Variants in DNA2 observed in about 807,000 individuals in gnomAD.
DNA2 encodes the protein DNA replication ATP-dependent helicase/nuclease DNA2.
A neutral mutation model predicts 119.1 loss-of-function variants in DNA2; 101 were observed. That is an observed-to-expected ratio of 0.85 (90% CI 0.72 to 1.00). The LOEUF is 1.00. Among genes scored for constraint, DNA2 ranks in the 50% least tolerant of loss-of-function variants. DNA2 has a pLI of 0.00. For synonymous variants in DNA2, 366 were observed against 424.4 expected (o/e 0.86, Z 1.69); for missense variants, 1,121 against 1,255.5 (o/e 0.89, Z 1.62).
rs576282543 is a variant in DNA2 at position 68,453,659 on chromosome 10, C to T, written c.720-3412G>A. On this transcript the variant is annotated intron_variant, in intron 5 of 20. Transcript: ENST00000358410. ...ACAACACACTACCTTTTCTATATTT[C>T]AATATGTTTAGATAGACAAATACTT... Among the ~76,000 whole-genome samples, 228 of 152,206 alleles carry T rather than the reference C, an allele frequency of 1.5e-3. 2 individuals carry two copies. Among genetic ancestry groups the T allele is most frequent in the Middle Eastern group, 0.014 (4 of 294 alleles).
At position 68,448,954 on chromosome 10, in the gene DNA2, TGTGTGTGTGTGTGC is replaced by T. The variant is rs879651400; in HGVS notation, c.939+1060_939+1073del. On this transcript the variant is annotated intron_variant, in intron 6 of 20. Transcript: ENST00000358410. The stretch of plus-strand genomic sequence containing the variant: ...CCAGGTGTGTGTGTGTGTGTGTGTG[TGTGTGTGTGTGTGC>T]GTGTGTGTGTGTGTGTGTAGTAGTT... Among the ~76,000 whole-genome samples, 318 of 128,608 alleles carry T rather than the reference TGTGTGTGTGTGTGC, an allele frequency of 2.5e-3. 3 individuals carry two copies. The highest frequency in any genetic ancestry group is 3.6e-3 in the South Asian group (11 of 3,046). The allele number at this position is 128,608 out of a possible 152,430, so 84.4% of individuals were successfully genotyped here.
intron 14 of DNA2, among the ~76,000 whole-genome samples, chr10:68,428,084 T>C (rs574317097): frequency 6.7e-6 from 1 of 148,662 alleles, no homozygotes; most frequent in East Asian, 2.0e-4. Flanking sequence ...TCCCAACACT[T>C]TAGGAGGCCG....
chr10:68,434,569 T>C (rs969781992), intron 10 of DNA2, among the ~76,000 whole-genome samples: 2 of 151,972 alleles, frequency 1.3e-5, no homozygotes, highest in African/African-American at 4.8e-5. Flanking sequence ...GAAGGACTGC[T>C]TGATCCCAGG....
At chr10:68,448,505 T>A (rs2052071368) in intron 6 of DNA2, among the ~76,000 whole-genome samples, 1 of 152,200 alleles carries the variant, frequency 6.6e-6, no homozygotes, top group South Asian at 2.1e-4. Context: ...CTACCATAAT[T>A]AATTTTTCAA....
intron 2 of DNA2, 64 bp from the exon 3 acceptor site, chr10:68,468,370 G>C: frequency 9.1e-7 from 1 of 1,093,718 alleles, no homozygotes; most frequent in East Asian, 2.9e-5. Flanking sequence ...AAACGTATTA[G>C]GGAGGCTTCA....
At position 68,446,426 on chromosome 10, in the gene DNA2, T is replaced by G; in HGVS notation, c.940-13A>C. ...TGTACAGAACAACCTGTGCAAACAT[T>G]GACATTTGCTCAAACAAAACTATAA... On this transcript the variant is annotated splice_polypyrimidine_tract_variant and intron_variant, in intron 6 of 20. Coordinates refer to ENST00000358410, the MANE Select transcript of DNA2 (RefSeq NM_001080449.3). 6.7e-7 allele frequency: 1 copy of G among 1,485,644 alleles called. No individual in the cohort carries two copies. Among genetic ancestry groups the G allele is most frequent in the East Asian group, 2.4e-5 (1 of 42,404 alleles). The allele number at this position is 1,485,644 out of a possible 1,614,324, so 92.0% of individuals were successfully genotyped here. A position where few individuals can be genotyped will look rare whatever the true frequency, so the allele number is the denominator to read the frequency against.
intron 5 of DNA2, among the ~76,000 whole-genome samples, chr10:68,456,388 T>A (rs2052182485): frequency 1.3e-5 from 2 of 152,198 alleles, no homozygotes; most frequent in South Asian, 4.1e-4. Flanking sequence ...AACTAACTAC[T>A]GCAAAGCTTT....
In DNA2 at chr10:68,419,168, G is replaced by A; in HGVS notation, c.2833C>T (p.Gln945Ter). The part of the protein sequence containing the change: ...SDIGIIAPYR[Q>*]QLKIINDLLA... ...AAATCATTGATGATCTTTAATTGCT[G>A]CCTGTACGGTGCAATAATACCAATA... Residue 945 changes from glutamine (Q) to a stop codon, truncating the protein, a stop_gained, in exon 19 of 21, where the codon CAG (glutamine) becomes TAG (stop). Transcript: ENST00000358410. LOFTEE classifies it high-confidence loss of function. 2.5e-6 allele frequency: 4 copies of A among 1,612,062 alleles called. No individual in the cohort carries two copies. Among genetic ancestry groups the A allele is most frequent in the Non-Finnish European group, 3.4e-6 (4 of 1,179,116 alleles).
At chr10:68,451,546 T>C (rs890386054) in intron 5 of DNA2, among the ~76,000 whole-genome samples, 1 of 152,182 alleles carries the variant, frequency 6.6e-6, no homozygotes, top group African/African-American at 2.4e-5. Context: ...TTTACACTTT[T>C]AGATTCAAAG....
At chr10:68,469,041 C>T (rs1298009122) in intron 2 of DNA2, among the ~76,000 whole-genome samples, 1 of 152,136 alleles carries the variant, frequency 6.6e-6, no homozygotes, top group African/African-American at 2.4e-5. Flanking sequence ...CAGAGCAAGA[C>T]TCCGTCTCCA....
At chr10:68,424,804 C>T (rs57723866) in intron 14 of DNA2, 55,665 of 1,115,996 alleles carry the variant, frequency 0.05, 1,932 homozygotes, top group African/African-American at 0.15. Context: ...GTCATCTACA[C>T]TGAGCAGGTG....
chr10:68,470,247 C>G, intron 1 of DNA2, 84 bp from the exon 2 acceptor site: 1 of 1,224,458 alleles, frequency 8.2e-7, no homozygotes, highest in African/African-American at 1.5e-5. Context: ...AACCAATCTT[C>G]CAGTTTTCTA....
chr10:68,420,699 A>ATTT (rs71009059), intron 17 of DNA2, among the ~76,000 whole-genome samples: 1 of 139,830 alleles, frequency 7.2e-6, no homozygotes. Flanking sequence ...AGCAATCTTG[A>ATTT]TTTTTTTTTT....
At chr10:68,434,229 C>T (rs540567819) in intron 10 of DNA2, among the ~76,000 whole-genome samples, 125 of 151,760 alleles carry the variant, frequency 8.2e-4, no homozygotes, top group African/African-American at 2.8e-3. Flanking sequence ...GAACTGAGAT[C>T]GTGCTACTGC....
In DNA2 at chr10:68,432,388, A is replaced by G. The variant is rs2051834786; in HGVS notation, c.1763+6T>C. On this transcript the variant is annotated splice_donor_region_variant and intron_variant, in intron 11 of 20. Coordinates refer to ENST00000358410, the MANE Select transcript of DNA2 (RefSeq NM_001080449.3). ...GTGAAATTCAAATTTGCTCATTGTT[A>G]CAAACCTGACAAACGTGTTTTCCAT... 6.3e-7 allele frequency: 1 copy of G among 1,579,606 alleles called. No homozygotes were observed. Among genetic ancestry groups the G allele is most frequent in the African/African-American group, 1.4e-5 (1 of 73,816 alleles).
At chr10:68,449,358 G>T (rs902895314) in intron 6 of DNA2, among the ~76,000 whole-genome samples, 7 of 151,942 alleles carry the variant, frequency 4.6e-5, no homozygotes, top group African/African-American at 1.7e-4. Context: ...TTTAAAAAGG[G>T]GAAACATTTT....
rs200956547 is a variant in DNA2 at position 68,419,175 on chromosome 10, C to T, written c.2826G>A (p.Pro942=). 1.0e-4 allele frequency: 167 copies of T among 1,610,324 alleles called. 1 individual carries two copies. The Middle Eastern group carries it at 3.0e-3, about 29-fold the overall frequency. ...TGATGATCTTTAATTGCTGCCTGTACGGTGCAATAATACCAATATCAGAGG... is the reference window on the plus strand; with the variant it reads ...TGATGATCTTTAATTGCTGCCTGTATGGTGCAATAATACCAATATCAGAGG... ...CSPSDIGIIA[P]YRQQLKIIND... is the part of the protein sequence containing the mutation. The change falls in exon 19 of 21, where the codon CCG becomes CCA. Residue 942 remains proline (P), a synonymous_variant. Transcript: ENST00000358410.
intron 14 of DNA2, 124 bp downstream of exon 14, chr10:68,430,312 G>A (rs2051802799): frequency 7.3e-6 from 5 of 688,496 alleles, no homozygotes; most frequent in Non-Finnish European, 9.7e-6. Flanking sequence ...TGGTCGTATA[G>A]TACATATAAA....
At chr10:68,447,705 C>T (rs1157728216) in intron 6 of DNA2, among the ~76,000 whole-genome samples, 3 of 151,214 alleles carry the variant, frequency 2.0e-5, no homozygotes, top group Admixed American at 6.6e-5. Context: ...AAAAAAAGGC[C>T]GGGCGCAGTG....
Sources: gnomAD v4.1 joint callset for allele counts (sites outside exome capture counted in the v4.1 genomes callset) on GRCh38, gnomAD v4.1.1 for gene constraint, MANE v1.5 for transcripts, NCBI Gene and HGNC (gene_info 2026-07-23, HGNC 2026-07-21) for gene names.